Variants in DGKZ observed in about 807,000 individuals in gnomAD.
DGKZ encodes the protein DAG kinase zeta.
DGKZ carries 45 observed loss-of-function variants against 142.5 expected under a neutral mutation model. The observed-to-expected ratio is 0.32, with a 90% confidence interval of 0.25 to 0.40. The LOEUF (loss-of-function observed/expected upper bound fraction) is 0.40, where lower values mean the gene tolerates loss of function less well. Among genes scored for constraint, DGKZ ranks in the 10% least tolerant of loss-of-function variants. DGKZ has a pLI of 1.00. For missense variants in DGKZ, 755 were observed against 1,306.5 expected, an observed-to-expected ratio of 0.58 and a Z score of 6.51; for synonymous variants, 442 against 527.0, an observed-to-expected ratio of 0.84 and a Z score of 2.21.
intron 27 of DGKZ, 150 bp from the exon 28 acceptor site, chr11:46,378,841 A>C: frequency 7.8e-7 from 1 of 1,287,722 alleles, no homozygotes; most frequent in Non-Finnish European, 1.1e-6. Flanking sequence ...TGTGCTCCAG[A>C]GAGACCCACA....
chr11:46,373,644 C>CCCG (rs1187739165), intron 14 of DGKZ, among the ~76,000 whole-genome samples: 1 of 151,842 alleles, frequency 6.6e-6, no homozygotes, highest in African/African-American at 2.4e-5. Flanking sequence ...ACTACAGGCA[C>CCCG]CCGCCACCAC....
At chr11:46,366,868 C>G (rs1439295800) in intron 1 of DGKZ, 1 of 1,547,806 alleles carries the variant, frequency 6.5e-7, no homozygotes, top group Admixed American at 1.9e-5. Context: ...GCCGAAGAGC[C>G]TCAGGCACCA....
At chr11:46,375,444 G>A in exon 20 of DGKZ, 1 of 1,576,132 alleles carries the variant, frequency 6.3e-7, no homozygotes, top group Non-Finnish European at 8.6e-7. Context: ...CGCGCTGCAG[G>A]TGGGCGGACA....
At chr11:46,335,563 A>G (rs1939975654) in intron 1 of DGKZ, among the ~76,000 whole-genome samples, 3 of 152,150 alleles carry the variant, frequency 2.0e-5, no homozygotes, top group Admixed American at 2.0e-4. Context: ...AGGTAATCCC[A>G]CTGAGGTCCC....
In DGKZ at chr11:46,378,686, T is replaced by C. The variant is rs1944848806; in HGVS notation, c.2418+186T>C. ...GTATCTCTGTCTAGGCCACAATAGA[T>C]GGCTCCTAGTAGGGGCTTCCTAGCT... On this transcript the variant is annotated intron_variant, in intron 27 of 30. Coordinates refer to ENST00000527911, the Ensembl canonical transcript of DGKZ. 4 of 910,834 alleles carry C rather than the reference T, an allele frequency of 4.4e-6. No individual in the cohort carries two copies. The East Asian group carries it at 7.9e-5, about 18-fold the overall frequency. 56.4% of individuals were successfully genotyped at this position (910,834 alleles called of 1,614,324 possible).
intron 25 of DGKZ, 49 bp from the exon 26 acceptor site, chr11:46,378,149 C>A (rs1944772158): frequency 8.2e-6 from 13 of 1,588,714 alleles, no homozygotes; most frequent in Non-Finnish European, 1.1e-5. Context: ...GGAGGGCGAC[C>A]AGCTGGCCTG....
Position 46,366,941 on chromosome 11 carries a change from C to T in DGKZ, c.162-350C>T, listed in dbSNP as rs776728114. 2.3e-5 allele frequency: 36 copies of T among 1,538,962 alleles called. No individual in the cohort carries two copies. The highest frequency in any genetic ancestry group is 1.2e-4 in the East Asian group (5 of 41,314). On this transcript the variant is annotated intron_variant, in intron 1 of 30. Transcript: ENST00000527911. ...GTCCCGCAGGCGCCAGGTAGCCCTA[C>T]GGCGCAAGGCGGCCGGACCCCAGGC...
intron 25 of DGKZ, 100 bp from the exon 26 acceptor site, chr11:46,378,098 T>G: frequency 6.9e-7 from 1 of 1,457,672 alleles, no homozygotes; most frequent in Non-Finnish European, 9.4e-7. Context: ...AGGCACTCAA[T>G]AAACTGTGGA....
intron 1 of DGKZ, among the ~76,000 whole-genome samples, chr11:46,364,074 G>C (rs887538858): frequency 2.0e-5 from 3 of 152,228 alleles, no homozygotes; most frequent in African/African-American, 7.2e-5. Flanking sequence ...TCACGTAGCA[G>C]GTGTTCGTTA....
In DGKZ at chr11:46,367,539, G is replaced by A; in HGVS notation, c.271-113G>A. 1 of 1,274,498 alleles carries A rather than the reference G, an allele frequency of 7.8e-7. No individual in the cohort carries two copies. Among genetic ancestry groups the A allele is most frequent in the Non-Finnish European group, 1.1e-6 (1 of 923,770 alleles). The allele number at this position is 1,274,498 out of a possible 1,614,324, so 78.9% of individuals were successfully genotyped here. Reference sequence around the variant, plus strand: ...AGTGGGGCAGACGGAACAGAGCAGGGTCGATCGGGGCGCTGGAGTGGGTTT... The same window carrying A: ...AGTGGGGCAGACGGAACAGAGCAGGATCGATCGGGGCGCTGGAGTGGGTTT... On this transcript the variant is annotated intron_variant, in intron 2 of 30. Coordinates refer to ENST00000527911, the Ensembl canonical transcript of DGKZ. This position sits in a 1 kb window ranked among gnomAD's most constrained non-coding sequence, Gnocchi z 4.1.
chr11:46,375,308 T>G, intron 19 of DGKZ, 124 bp from the exon 20 acceptor site: 1 of 1,173,418 alleles, frequency 8.5e-7, no homozygotes, highest in Non-Finnish European at 1.2e-6. Flanking sequence ...CCCTCTGCCC[T>G]CTGGCCAGGG....
At chr11:46,351,575 A>G (rs910967522) in intron 1 of DGKZ, among the ~76,000 whole-genome samples, 5 of 152,118 alleles carry the variant, frequency 3.3e-5, no homozygotes, top group African/African-American at 1.2e-4. Context: ...AGAGGTGAGA[A>G]CCCTGTCTAT....
chr11:46,364,248 C>T (rs545283408), intron 1 of DGKZ: 2 of 795,948 alleles, frequency 2.5e-6, no homozygotes, highest in East Asian at 6.3e-5. Flanking sequence ...AGGCGGTCAC[C>T]TCTGCGTCAA....
rs941616154 is a variant in DGKZ at position 46,377,563 on chromosome 11, C to T, written c.2342+351C>T. On this transcript the variant is annotated intron_variant, in intron 25 of 30. Coordinates refer to ENST00000527911, the Ensembl canonical transcript of DGKZ. ...TCTTATATCCCTGTGGCCATTCGTGCCCTCGAACCCCCATCTCCATACCAC... is the reference window on the plus strand; with the variant it reads ...TCTTATATCCCTGTGGCCATTCGTGTCCTCGAACCCCCATCTCCATACCAC... 55 of 326,178 alleles carry T rather than the reference C, an allele frequency of 1.7e-4. 1 individual carries two copies. Among genetic ancestry groups the T allele is most frequent in the African/African-American group, 1.2e-3 (54 of 46,302 alleles). The allele number at this position is 326,178 out of a possible 1,614,324, so 20.2% of individuals were successfully genotyped here.
upstream of DGKZ, among the ~76,000 whole-genome samples, chr11:46,343,504 G>A (rs11823016): frequency 7.7e-3 from 1,177 of 152,262 alleles, 7 homozygotes; most frequent in African/African-American, 0.027. Flanking sequence ...TACAACTAAA[G>A]AACTAGTTAT....
rs1262587095 is a variant in DGKZ at position 46,365,344 on chromosome 11, G to A, written c.162-1947G>A. ...CCGGCATCACCCAGCTTCACCCTGG[G>A]GTATCCGTACTTTGTCCCTTCAGAA... On this transcript the variant is annotated intron_variant, in intron 1 of 30. Coordinates refer to ENST00000527911, the Ensembl canonical transcript of DGKZ. The A allele has an allele frequency of 3.0e-6, 3 of 985,280 alleles. No individual in the cohort carries two copies. The African/African-American group carries it at 5.2e-5, about 17-fold the overall frequency. 61.0% of individuals were successfully genotyped at this position (985,280 alleles called of 1,614,324 possible).
chr11:46,372,715 G>T lies in DGKZ; in HGVS notation c.1071+38G>T. On this transcript the variant is annotated intron_variant, in intron 12 of 30. Transcript: ENST00000527911. This position sits in a 1 kb window ranked among gnomAD's most constrained non-coding sequence, Gnocchi z 5.9. The stretch of plus-strand genomic sequence containing the variant: ...CATGGGCCAGCCGAGCACCAGGGCT[G>T]GGCCTGAAGCCGGGGTCCCTGTGGG... The T allele has an allele frequency of 6.2e-7, 1 of 1,612,148 alleles. No individual in the cohort carries two copies. The highest frequency in any genetic ancestry group is 1.3e-5 in the African/African-American group (1 of 75,042).
At chr11:46,355,111 A>T (rs976318387) in intron 1 of DGKZ, among the ~76,000 whole-genome samples, 1 of 151,604 alleles carries the variant, frequency 6.6e-6, no homozygotes, top group African/African-American at 2.4e-5. Flanking sequence ...TTATTTTTTT[A>T]TTTTATTTTA....
intron 1 of DGKZ, among the ~76,000 whole-genome samples, chr11:46,351,640 T>A (rs1260565328): frequency 6.6e-6 from 1 of 152,232 alleles, no homozygotes; most frequent in Non-Finnish European, 1.5e-5. Flanking sequence ...TTGTCTCACC[T>A]GGGCTAATGC....
Sources: allele counts gnomAD v4.1 joint callset (sites outside exome capture counted in the v4.1 genomes callset), GRCh38; gene constraint gnomAD v4.1.1; non-coding constraint Gnocchi (gnomAD v3.1); transcripts MANE v1.5; gene names NCBI Gene and HGNC (gene_info 2026-07-23, HGNC 2026-07-21).